Variants in MCC observed in about 807,000 individuals in gnomAD.
MCC encodes MCC regulator of Wnt signaling pathway, also known as colorectal mutant cancer protein.
In MCC, 90 loss-of-function variants were observed where a neutral mutation model predicts 116.2. The ratio of observed to expected loss-of-function variants is 0.77; its 90% CI spans 0.65 to 0.92. The LOEUF is 0.92. MCC is among the 40% of genes least tolerant of loss of function. The probability of loss-of-function intolerance (pLI) is 0.00; values close to 1 mark genes in which losing one functional copy is unlikely to be tolerated. For synonymous variants in MCC, 578 were observed against 510.5 expected (o/e 1.13, Z -1.78); for missense variants, 1,516 against 1,312.2 (o/e 1.16, Z -2.40).
At chr5:113,050,663 G>C (rs1360177326) in intron 15 of MCC, among the ~76,000 whole-genome samples, 1 of 152,254 alleles carries the variant, frequency 6.6e-6, no homozygotes, top group East Asian at 1.9e-4. Flanking sequence ...TGAAGGTTCT[G>C]GCAACACTGC....
intron 3 of MCC, among the ~76,000 whole-genome samples, chr5:113,214,668 C>G (rs982671149): frequency 6.6e-6 from 1 of 152,182 alleles, no homozygotes; most frequent in East Asian, 1.9e-4. Context: ...TTCAAGTCAT[C>G]AGCATCCTCC....
intron 1 of MCC, among the ~76,000 whole-genome samples, chr5:113,386,082 C>A (rs1769248158): frequency 6.6e-6 from 1 of 152,202 alleles, no homozygotes; most frequent in Non-Finnish European, 1.5e-5. Flanking sequence ...TCTTTTCTCT[C>A]TACCTAACCT....
rs116616350 is a variant in MCC, at chr5:113,427,410, T to C, written c.171-42198A>G. Among the ~76,000 whole-genome samples the C allele has an allele frequency of 2.7e-3, 418 of 152,300 alleles. 2 individuals carry two copies. The highest frequency in any genetic ancestry group is 9.7e-3 in the African/African-American group (404 of 41,566). ...ACATGGAAGAAACATACTGTTGACTTGTAAGAAAATCAAGTTATTCAACTT... is the reference window on the plus strand; with the variant it reads ...ACATGGAAGAAACATACTGTTGACTCGTAAGAAAATCAAGTTATTCAACTT... On this transcript the variant is annotated intron_variant, in intron 1 of 18. Coordinates refer to ENST00000408903, the MANE Select transcript of MCC (RefSeq NM_001085377.2).
intron 3 of MCC, among the ~76,000 whole-genome samples, chr5:113,189,706 C>T (rs1383692659): frequency 1.3e-5 from 2 of 152,200 alleles, no homozygotes; most frequent in African/African-American, 2.4e-5. Flanking sequence ...GCTCCAAGTG[C>T]TCAGAGTCTA....
At chr5:113,054,183 G>C (rs1391198215) in intron 14 of MCC, among the ~76,000 whole-genome samples, 1 of 152,206 alleles carries the variant, frequency 6.6e-6, no homozygotes, top group East Asian at 1.9e-4. Context: ...CAACACTGTG[G>C]ACTCTAGAAA....
At chr5:113,344,744 G>C (rs554551283) in intron 2 of MCC, among the ~76,000 whole-genome samples, 1 of 151,916 alleles carries the variant, frequency 6.6e-6, no homozygotes, top group Non-Finnish European at 1.5e-5. Context: ...TTCATCACCT[G>C]CTGACTAAAG....
intron 3 of MCC, chr5:113,234,346 TAA>T (rs1436966493): frequency 6.6e-6 from 1 of 152,086 alleles, no homozygotes; most frequent in African/African-American, 2.4e-5. Context: ...TAAAAATATA[TAA>T]ATTTTAATAA....
intron 1 of MCC, among the ~76,000 whole-genome samples, chr5:113,422,849 G>A (rs1436039634): frequency 2.0e-5 from 3 of 152,176 alleles, no homozygotes; most frequent in Admixed American, 1.3e-4. Context: ...AATATACTTA[G>A]TTACTTTCCT....
chr5:113,224,243 C>T (rs1163231116), intron 3 of MCC, among the ~76,000 whole-genome samples: 1 of 152,118 alleles, frequency 6.6e-6, no homozygotes, highest in East Asian at 1.9e-4. Context: ...CAGGCACGCG[C>T]GACCACATCC....
intron 17 of MCC, among the ~76,000 whole-genome samples, chr5:113,040,847 C>T (rs780333513): frequency 1.3e-5 from 2 of 152,186 alleles, no homozygotes. Context: ...ACTGACAGAA[C>T]AAATGAAGTC....
At chr5:113,259,403 T>C (rs905755340) in intron 3 of MCC, among the ~76,000 whole-genome samples, 1 of 152,132 alleles carries the variant, frequency 6.6e-6, no homozygotes, top group Non-Finnish European at 1.5e-5. Context: ...TCTAATCCCA[T>C]AAATCTGCTT....
chr5:113,488,262 C>T lies in MCC; in HGVS notation c.153G>A (p.Gly51=). Reference sequence around the variant, plus strand: ...CCGCGTACCTGCTGATGTATCCGTCCCCGTCGCCGTCGCACGTCTGGAAGA... The same window carrying T: ...CCGCGTACCTGCTGATGTATCCGTCTCCGTCGCCGTCGCACGTCTGGAAGA... ...RRLFQTCDGD[G]DGYISRNDLL... is the part of the protein sequence containing the mutation. Residue 51 remains glycine, a synonymous_variant, in exon 1 of 19, where the codon GGG becomes GGA. Coordinates refer to ENST00000408903, the MANE Select transcript of MCC (RefSeq NM_001085377.2). 1.3e-6 allele frequency: 2 copies of T among 1,595,550 alleles called. No individual in the cohort carries two copies. The highest frequency in any genetic ancestry group is 1.7e-6 in the Non-Finnish European group (2 of 1,171,834).
intron 2 of MCC, among the ~76,000 whole-genome samples, chr5:113,347,873 T>C: frequency 6.6e-6 from 1 of 151,838 alleles, no homozygotes; most frequent in Non-Finnish European, 1.5e-5. Context: ...ACAGACTGAA[T>C]AAAGGGATGA....
chr5:113,112,141 A>C (rs1299643541), intron 6 of MCC, among the ~76,000 whole-genome samples: 1 of 152,218 alleles, frequency 6.6e-6, no homozygotes, highest in Non-Finnish European at 1.5e-5. Flanking sequence ...AGCTTCCAAA[A>C]GCACGTGTTC....
chr5:113,135,612 T>C (rs1758772212), intron 5 of MCC, among the ~76,000 whole-genome samples: 1 of 151,392 alleles, frequency 6.6e-6, no homozygotes. Context: ...TTTGTAGCTA[T>C]TGTAAATAGG....
chr5:113,084,146 T>C lies in MCC; in HGVS notation c.1590A>G (p.Ser530=), dbSNP rs140724692. 273 of 1,614,216 alleles carry C rather than the reference T, an allele frequency of 1.7e-4. No individual in the cohort carries two copies. In the African/African-American group the frequency reaches 3.4e-3, roughly 20 times the overall value. Residue 530 remains serine, a synonymous_variant, in exon 10 of 19, where the codon TCA becomes TCG. Coordinates refer to ENST00000408903, the MANE Select transcript of MCC (RefSeq NM_001085377.2). The part of the protein sequence containing the change: ...VKLSKTRSES[S]SSDRPVLGSE... Reference sequence around the variant, plus strand: ...AGCCCAGGACTGGCCGATCAGATGATGACGATTCGGACCTTGTCTTTGATA... The same window carrying C: ...AGCCCAGGACTGGCCGATCAGATGACGACGATTCGGACCTTGTCTTTGATA...
In MCC at chr5:113,028,998, T is replaced by G. The variant is rs534149121; in HGVS notation, c.2815A>C (p.Lys939Gln). The part of the protein sequence containing the change: ...ELVSALERLT[K>Q]SSEIRHQQSA... ...TGCTGATGTCGGATTTCACTGCTCT[T>G]GGTGAGTCTCTCCAAGGCACTCACC... Residue 939 changes from lysine (K) to glutamine (Q), a missense_variant, in exon 18 of 19, where the codon AAG (lysine) becomes CAG (glutamine). Transcript: ENST00000408903. 5.9e-5 allele frequency: 95 copies of G among 1,613,912 alleles called. 1 individual carries two copies.
intron 1 of MCC, among the ~76,000 whole-genome samples, chr5:113,388,463 G>C (rs534632965): frequency 1.6e-4 from 25 of 152,212 alleles, no homozygotes; most frequent in Middle Eastern, 3.4e-3. Context: ...GAAGTGTTTG[G>C]GTCATGGGGG....
At chr5:113,349,890 T>C (rs1417940902) in intron 2 of MCC, among the ~76,000 whole-genome samples, 6 of 152,052 alleles carry the variant, frequency 3.9e-5, no homozygotes, top group African/African-American at 1.2e-4. Flanking sequence ...CATTTCTATA[T>C]GCCAATAGTG....
Sources: gnomAD v4.1 joint callset for allele counts (sites outside exome capture counted in the v4.1 genomes callset) on GRCh38, gnomAD v4.1.1 for gene constraint, MANE v1.5 for transcripts, NCBI Gene and HGNC (gene_info 2026-07-23, HGNC 2026-07-21) for gene names.